LRIG2: variants seen among roughly 807,000 people sequenced by gnomAD.
LRIG2 encodes the protein leucine-rich repeats and immunoglobulin-like domains protein 2.
A neutral mutation model predicts 107.8 loss-of-function variants in LRIG2; 93 were observed. The ratio of observed to expected loss-of-function variants is 0.86; its 90% confidence interval spans 0.73 to 1.03. LRIG2 has a LOEUF of 1.03. Ranked by LOEUF, LRIG2 falls within the 50% of genes least tolerant of loss-of-function variation. The pLI, the probability that LRIG2 is intolerant of heterozygous loss-of-function variation, is 0.00. For synonymous variants in LRIG2, 471 were observed against 470.6 expected (o/e 1.00, Z -0.01); for missense variants, 1,226 against 1,296.0 (o/e 0.95, Z 0.83).
intron 17 of LRIG2, 132 bp from the exon 18 acceptor site, chr1:113,123,743 G>T (rs1655366200): frequency 1.7e-5 from 11 of 655,860 alleles, no homozygotes; most frequent in South Asian, 1.1e-4. Flanking sequence ...GTGTGTGTGT[G>T]TGTGTGTGTG....
rs913364611 is a variant in LRIG2 at position 113,123,817 on chromosome 1, C to CT, written c.2972-57dup. On this transcript the variant is annotated intron_variant, in intron 17 of 17. Transcript: ENST00000361127. ...CATCTTTATTTCTTTGAGGATTTGG[C>CT]TAAAAGGATATTAAGTTTTACCAGT... 2.3e-5 allele frequency: 32 copies of CT among 1,407,290 alleles called. No homozygotes were observed. The African/African-American group carries it at 4.0e-4, about 18-fold the overall frequency. The allele number at this position is 1,407,290 out of a possible 1,614,324, so 87.2% of individuals were successfully genotyped here.
intron 1 of LRIG2, among the ~76,000 whole-genome samples, chr1:113,080,205 GA>G (rs1653203364): frequency 6.7e-6 from 1 of 148,750 alleles, no homozygotes; most frequent in African/African-American, 2.5e-5. Context: ...ATTTTTAGTA[GA>G]GACGGGGTTT....
In LRIG2 at chr1:113,123,857, C is replaced by T. The variant is rs754165797; in HGVS notation, c.2972-18C>T. 7 of 1,603,574 alleles carry T rather than the reference C, an allele frequency of 4.4e-6. No homozygotes were observed. The highest frequency in any genetic ancestry group is 1.1e-5 in the South Asian group (1 of 90,644). ...GTTTTACCAGTCACTACTGATAATTCTTGTCTTTCATTCTCAGAAACATTG... is the reference window on the plus strand; with the variant it reads ...GTTTTACCAGTCACTACTGATAATTTTTGTCTTTCATTCTCAGAAACATTG... On this transcript the variant is annotated intron_variant, in intron 17 of 17. Transcript: ENST00000361127.
At chr1:113,088,883 T>C (rs1443298094) in intron 1 of LRIG2, among the ~76,000 whole-genome samples, 1 of 152,208 alleles carries the variant, frequency 6.6e-6, no homozygotes, top group African/African-American at 2.4e-5. Context: ...GAATATGAGA[T>C]TTTTATGTGT....
At chr1:113,091,898 T>C (rs182256046) in intron 2 of LRIG2, among the ~76,000 whole-genome samples, 1 of 152,370 alleles carries the variant, frequency 6.6e-6, no homozygotes, top group Admixed American at 6.5e-5. Flanking sequence ...TCTAAGATAT[T>C]ATTAATATTA....
At position 113,093,253 on chromosome 1, in the gene LRIG2, C is replaced by A. The variant is rs1444674451; in HGVS notation, c.353C>A (p.Pro118His). ...ACAGAAATCCCGTATTTTGGAGAAC[C>A]TACATCTAATATTACTCTACTTTCA... The part of the protein sequence containing the change: ...ELTEIPYFGE[P>H]TSNITLLSLV... Residue 118 changes from proline (P) to histidine (H), a missense_variant, in exon 3 of 18, where the codon CCT becomes CAT. Coordinates refer to ENST00000361127, the MANE Select transcript of LRIG2 (RefSeq NM_014813.3). 6 of 1,598,226 alleles carry A rather than the reference C, an allele frequency of 3.8e-6. No homozygotes were observed. In the East Asian group the frequency reaches 9.0e-5, roughly 24 times the overall value.
In LRIG2 at chr1:113,124,274, A is replaced by G. The variant is rs1161111221; in HGVS notation, c.*173A>G. ...GTTTGGTCTTATACCTGATGAAGAA[A>G]TGGCAACAGCTGACAGAAATGGGTA... On this transcript the variant is annotated 3_prime_UTR_variant, in exon 18 of 18. Transcript: ENST00000361127. 6.5e-6 allele frequency: 4 copies of G among 616,810 alleles called. No homozygotes were observed. The Admixed American group carries it at 8.7e-5, about 13-fold the overall frequency. The allele number at this position is 616,810 out of a possible 1,614,324, so 38.2% of individuals were successfully genotyped here.
At chr1:113,091,438 A>C in intron 2 of LRIG2, 55 bp downstream of exon 2, 1 of 1,174,600 alleles carries the variant, frequency 8.5e-7, no homozygotes, top group Non-Finnish European at 1.2e-6. Context: ...GAACTTAATA[A>C]ATTGTGATTT....
At position 113,112,655 on chromosome 1, in the gene LRIG2, G is replaced by T. The variant is rs772431120; in HGVS notation, c.1975G>T (p.Val659Phe). Residue 659 changes from valine to phenylalanine, a missense_variant, in exon 14 of 18, where the codon GTC becomes TTC. Around this residue, in one of 3 missense-constraint regions of LRIG2, gnomAD observed 642 missense variants for 712.2 expected, o/e 0.90. Transcript: ENST00000361127. Reference sequence around the variant, plus strand: ...CATGCACGTCATGCCCGAGGATGACGTCTTCTTTATTGCCAATGTGAAAAT... The same window carrying T: ...CATGCACGTCATGCCCGAGGATGACTTCTTCTTTATTGCCAATGTGAAAAT... ...RRMHVMPEDD[V>F]FFIANVKIED... 6.2e-7 allele frequency: 1 copy of T among 1,613,962 alleles called. No individual in the cohort carries two copies. The highest frequency in any genetic ancestry group is 1.3e-5 in the African/African-American group (1 of 74,906).
intron 17 of LRIG2, 57 bp from the exon 18 acceptor site, chr1:113,123,818 T>C: frequency 7.0e-7 from 1 of 1,433,866 alleles, no homozygotes; most frequent in Non-Finnish European, 9.7e-7. Context: ...AGGATTTGGC[T>C]AAAAGGATAT....
chr1:113,095,700 C>T (rs1311259461), intron 6 of LRIG2, among the ~76,000 whole-genome samples, 174 bp from the exon 7 acceptor site: 1 of 152,196 alleles, frequency 6.6e-6, no homozygotes, highest in Non-Finnish European at 1.5e-5. Context: ...AGCCACTGTG[C>T]CCGGCCAAGC....
At position 113,128,031 on chromosome 1, in the gene LRIG2, T is replaced by TACTC. The variant is rs1188089323; in HGVS notation, c.*3934_*3937dup. 6.6e-6 allele frequency: 1 copy of TACTC among 152,220 alleles called. No individual in the cohort carries two copies. Among genetic ancestry groups the TACTC allele is most frequent in the East Asian group, 1.9e-4 (1 of 5,192 alleles). 9.4% of individuals were successfully genotyped at this position (152,220 alleles called of 1,614,324 possible). A position where few individuals can be genotyped will look rare whatever the true frequency, so the allele number is the denominator to read the frequency against. The stretch of plus-strand genomic sequence containing the variant: ...CAGTTCTCTCTTCTAAATCCAATAT[T>TACTC]ACTCACTAGATAATTTCAGCCACTT... On this transcript the variant is annotated 3_prime_UTR_variant, in exon 18 of 18. Transcript: ENST00000361127.
At chr1:113,116,145 G>C in intron 15 of LRIG2, 142 bp from the exon 16 acceptor site, 1 of 508,768 alleles carries the variant, frequency 2.0e-6, no homozygotes, top group South Asian at 3.8e-5. Context: ...AGTTTTAGGG[G>C]AAGTACCAAG....
At chr1:113,097,037 AT>A (rs1244441515) in intron 8 of LRIG2, among the ~76,000 whole-genome samples, 1 of 150,866 alleles carries the variant, frequency 6.6e-6, no homozygotes, top group Non-Finnish European at 1.5e-5. Flanking sequence ...CCTGGCCATC[AT>A]TTTTTTTTCT....
chr1:113,087,207 TA>T (rs1203911987), intron 1 of LRIG2, among the ~76,000 whole-genome samples: 4 of 151,826 alleles, frequency 2.6e-5, no homozygotes, highest in Non-Finnish European at 5.9e-5. Flanking sequence ...TCCTGCTTTT[TA>T]AAAAAAAATT....
intron 6 of LRIG2, among the ~76,000 whole-genome samples, 167 bp downstream of exon 6, chr1:113,094,922 C>T (rs957726864): frequency 1.3e-5 from 2 of 151,806 alleles, no homozygotes; most frequent in Admixed American, 1.3e-4. Flanking sequence ...TGTTAGCTAA[C>T]TGATCAATTT....
At chr1:113,118,247 CTCTT>C (rs1368002758) in intron 16 of LRIG2, among the ~76,000 whole-genome samples, 1 of 152,186 alleles carries the variant, frequency 6.6e-6, no homozygotes, top group Non-Finnish European at 1.5e-5. Flanking sequence ...AAGTAACTCA[CTCTT>C]TATTTCTCAC....
chr1:113,111,215 T>C (rs1188535950), intron 13 of LRIG2, among the ~76,000 whole-genome samples: 3 of 152,206 alleles, frequency 2.0e-5, no homozygotes. Context: ...TTTGTATTTT[T>C]AGTAGAGACA....
Position 113,122,258 on chromosome 1 carries a change from A to AT in LRIG2, c.2972-1609dup, listed in dbSNP as rs548042864. Among the ~76,000 whole-genome samples the AT allele has an allele frequency of 4.0e-3, 595 of 150,436 alleles. 2 individuals carry two copies. The highest frequency in any genetic ancestry group is 7.5e-3 in the Non-Finnish European group (507 of 67,490). ...CCACCATGCTTGGCTAATTTTTTGT[A>AT]TTTTTTTTAGTGGAGACAGGGTTTC... is the stretch of plus-strand genomic sequence containing the variant. On this transcript the variant is annotated intron_variant, in intron 17 of 17. Coordinates refer to ENST00000361127, the MANE Select transcript of LRIG2 (RefSeq NM_014813.3).
Sources: gnomAD v4.1 joint callset for allele counts (sites outside exome capture counted in the v4.1 genomes callset) on GRCh38, gnomAD v4.1.1 for gene constraint, gnomAD v4.1.1 regional missense constraint, MANE v1.5 for transcripts, NCBI Gene and HGNC (gene_info 2026-07-23, HGNC 2026-07-21) for gene names.